ADAMTSL3: variants seen among roughly 807,000 people sequenced by gnomAD.
ADAMTSL3 encodes ADAMTS like 3, also known as ADAMTS-like protein 3.
ADAMTSL3 carries 128 observed loss-of-function variants against 201.7 expected under a neutral mutation model. That is an observed-to-expected ratio of 0.63 (90% CI 0.55 to 0.73). The LOEUF is 0.73. Ranked by LOEUF, ADAMTSL3 falls within the 30% of genes least tolerant of loss-of-function variation. ADAMTSL3 has a pLI of 0.00. For missense variants in ADAMTSL3, 1,990 were observed against 2,119.6 expected (o/e 0.94, Z 1.20); for synonymous variants, 738 against 748.4 (o/e 0.99, Z 0.23).
chr15:83,848,449 A>C (rs1174442573), intron 7 of ADAMTSL3, among the ~76,000 whole-genome samples: 1 of 152,236 alleles, frequency 6.6e-6, no homozygotes, highest in Non-Finnish European at 1.5e-5. Flanking sequence ...TCCAGCAGGA[A>C]ATGAGACATA....
At chr15:83,903,094 AC>A (rs1460210451) in intron 15 of ADAMTSL3, among the ~76,000 whole-genome samples, 2 of 152,040 alleles carry the variant, frequency 1.3e-5, no homozygotes, top group East Asian at 3.9e-4. Context: ...TAATCAAAAT[AC>A]CATTTTTGAA....
chr15:84,027,545 C>T (rs2068332569), intron 27 of ADAMTSL3, among the ~76,000 whole-genome samples: 1 of 151,908 alleles, frequency 6.6e-6, no homozygotes, highest in African/African-American at 2.4e-5. Flanking sequence ...CCTGTCTCTA[C>T]TAAAAATACA....
intron 15 of ADAMTSL3, among the ~76,000 whole-genome samples, chr15:83,910,491 C>CTTTTTTATTTTTTTTTTTTT: frequency 6.8e-6 from 1 of 146,464 alleles, no homozygotes. Flanking sequence ...CTTTAAGTCA[C>CTTTTTTATTTTTTTTTTTTT]TTCTTGTTAC....
intron 3 of ADAMTSL3, among the ~76,000 whole-genome samples, chr15:83,704,928 A>G (rs982261123): frequency 1.3e-5 from 2 of 151,678 alleles, no homozygotes; most frequent in African/African-American, 4.9e-5. Context: ...TTCAGAAAGG[A>G]ACACAGTGTG....
intron 19 of ADAMTSL3, among the ~76,000 whole-genome samples, chr15:83,963,911 G>A (rs2067026644): frequency 6.6e-6 from 1 of 152,226 alleles, no homozygotes; most frequent in Admixed American, 6.5e-5. Context: ...ACCTGCAGCA[G>A]AGGAGCCTGA....
At chr15:83,903,950 A>AGGGAGGGAGGGAGGG (rs1567226158) in intron 15 of ADAMTSL3, among the ~76,000 whole-genome samples, 1 of 40,314 alleles carries the variant, frequency 2.5e-5, no homozygotes, top group African/African-American at 1.8e-4. Flanking sequence ...AAAAAGAAAA[A>AGGGAGGGAGGGAGGG]AGAAAGAAAG....
intron 8 of ADAMTSL3, chr15:83,861,467 A>G: frequency 1.1e-5 from 2 of 174,878 alleles, no homozygotes; most frequent in South Asian, 1.5e-4. Flanking sequence ...CTGTTCACCA[A>G]TATCCTCTGT....
intron 17 of ADAMTSL3, among the ~76,000 whole-genome samples, chr15:83,932,297 A>G (rs887859253): frequency 2.0e-5 from 3 of 152,224 alleles, no homozygotes; most frequent in African/African-American, 7.2e-5. Flanking sequence ...TATGTAAAAC[A>G]TATCTTGAAA....
rs541758736 is a variant in ADAMTSL3, at chr15:83,932,966, G to A, written c.2117+8933G>A. Among the ~76,000 whole-genome samples the A allele has an allele frequency of 3.3e-5, 5 of 152,224 alleles. No individual in the cohort carries two copies. In the East Asian group the frequency reaches 7.7e-4, roughly 23 times the overall value. On this transcript the variant is annotated intron_variant, in intron 17 of 29. Coordinates refer to ENST00000286744, the MANE Select transcript of ADAMTSL3 (RefSeq NM_207517.3). ...ATAAAACAGGAAATTAAAAATCTAC[G>A]CTATGAACAATAAACTATCAAAAAT...
intron 3 of ADAMTSL3, among the ~76,000 whole-genome samples, chr15:83,734,193 G>A: frequency 6.6e-6 from 1 of 152,202 alleles, no homozygotes; most frequent in African/African-American, 2.4e-5. Flanking sequence ...ATGTATTTTT[G>A]TGGGTTTTTT....
At chr15:83,706,131 GT>G (rs1567086553) in intron 3 of ADAMTSL3, among the ~76,000 whole-genome samples, 1 of 152,032 alleles carries the variant, frequency 6.6e-6, no homozygotes, top group Non-Finnish European at 1.5e-5. Context: ...AATCCAACAG[GT>G]TTTCATATGA....
chr15:83,982,156 T>C, intron 20 of ADAMTSL3, 117 bp from the exon 21 acceptor site: 1 of 785,342 alleles, frequency 1.3e-6, no homozygotes, highest in South Asian at 1.9e-5. Context: ...TGTTTTAAAA[T>C]AGTAAAAAAG....
intron 3 of ADAMTSL3, among the ~76,000 whole-genome samples, chr15:83,772,792 G>A (rs1473670102): frequency 3.3e-5 from 5 of 149,376 alleles, no homozygotes; most frequent in African/African-American, 7.4e-5. Flanking sequence ...TTCAACCTCC[G>A]CCTCCCTGGT....
chr15:83,963,539 T>G (rs1359156271), intron 19 of ADAMTSL3, among the ~76,000 whole-genome samples: 1 of 152,172 alleles, frequency 6.6e-6, no homozygotes, highest in African/African-American at 2.4e-5. Flanking sequence ...CCCATCTCCC[T>G]GGGACAGAGT....
intron 19 of ADAMTSL3, among the ~76,000 whole-genome samples, chr15:83,953,410 G>T (rs2066792798): frequency 6.6e-6 from 1 of 151,976 alleles, no homozygotes; most frequent in Non-Finnish European, 1.5e-5. Flanking sequence ...CACACAAAAA[G>T]AAAACTAATG....
intron 3 of ADAMTSL3, among the ~76,000 whole-genome samples, chr15:83,746,679 G>A (rs912550363): frequency 1.3e-5 from 2 of 152,040 alleles, no homozygotes; most frequent in African/African-American, 2.4e-5. Context: ...AGTATACTTC[G>A]GGTTGGAAGT....
rs1397286125 is a variant in ADAMTSL3 at position 83,913,347 on chromosome 15, G to T, written c.1956G>T (p.Gly652=). The part of the protein sequence containing the change: ...SETTYDWEYA[G]FTPCTATCVG... ...CGACTTACGACTGGGAGTACGCTGG[G>T]TTCACCCCTTGCACAGCAACATGCG... Residue 652 remains glycine (G), a synonymous_variant, in exon 16 of 30, where the codon GGG becomes GGT. Coordinates refer to ENST00000286744, the MANE Select transcript of ADAMTSL3 (RefSeq NM_207517.3). 6.2e-7 allele frequency: 1 copy of T among 1,613,562 alleles called. No individual in the cohort carries two copies. The highest frequency in any genetic ancestry group is 1.7e-5 in the Admixed American group (1 of 60,018).
chr15:83,760,132 G>T (rs1400982957), intron 3 of ADAMTSL3, among the ~76,000 whole-genome samples: 1 of 152,014 alleles, frequency 6.6e-6, no homozygotes, highest in Non-Finnish European at 1.5e-5. Context: ...AATAGTTTAA[G>T]ATCATTGATT....
chr15:83,725,331 C>T (rs2062157815), intron 3 of ADAMTSL3, among the ~76,000 whole-genome samples: 3 of 152,008 alleles, frequency 2.0e-5, no homozygotes, highest in Admixed American at 2.0e-4. Flanking sequence ...TTTCATATGC[C>T]TGTTTGGACT....
Sources: allele counts gnomAD v4.1 joint callset (sites outside exome capture counted in the v4.1 genomes callset), GRCh38; gene constraint gnomAD v4.1.1; transcripts MANE v1.5; gene names NCBI Gene and HGNC (gene_info 2026-07-23, HGNC 2026-07-21).